The following SLC25A13 variants were observed in gnomAD, a reference collection of about 807,000 sequenced individuals.
SLC25A13 encodes the protein electrogenic aspartate/glutamate antiporter SLC25A13, mitochondrial.
In SLC25A13, 70 loss-of-function variants were observed where a neutral mutation model predicts 85.5. The ratio of observed to expected loss-of-function variants is 0.82; its 90% CI spans 0.68 to 1.00. The LOEUF (loss-of-function observed/expected upper bound fraction) is 1.00. SLC25A13 is among the 50% of genes least tolerant of loss of function. SLC25A13 has a pLI of 0.00. For synonymous variants in SLC25A13, 259 were observed against 288.7 expected (o/e 0.90, Z 1.04); for missense variants, 765 against 819.8 (o/e 0.93, Z 0.82).
intron 3 of SLC25A13, among the ~76,000 whole-genome samples, chr7:96,249,563 C>T (rs1456632012): frequency 2.0e-5 from 3 of 152,094 alleles, no homozygotes; most frequent in Non-Finnish European, 4.4e-5. Context: ...ATTTTCTGTC[C>T]CAATTGATCT....
chr7:96,174,177 AGCTCC>A, intron 11 of SLC25A13, among the ~76,000 whole-genome samples: 1 of 152,218 alleles, frequency 6.6e-6, no homozygotes, highest in Non-Finnish European at 1.5e-5. Context: ...CCTCCAGTGC[AGCTCC>A]TGCTCTTGGA....
intron 15 of SLC25A13, among the ~76,000 whole-genome samples, chr7:96,129,942 G>T (rs1292506724): frequency 1.3e-5 from 2 of 152,146 alleles, no homozygotes; most frequent in Non-Finnish European, 2.9e-5. Context: ...TGAAAAACCT[G>T]AATAGGAAAA....
At chr7:96,269,558 C>T (rs547329876) in intron 3 of SLC25A13, among the ~76,000 whole-genome samples, 44 of 152,276 alleles carry the variant, frequency 2.9e-4, no homozygotes, top group African/African-American at 8.4e-4. Context: ...AGCTTTCTAA[C>T]GTCCCGGAAA....
chr7:96,204,551 A>C (rs1007536143), intron 5 of SLC25A13, among the ~76,000 whole-genome samples: 2 of 152,206 alleles, frequency 1.3e-5, no homozygotes, highest in Non-Finnish European at 2.9e-5. Flanking sequence ...AAACAAAAAA[A>C]AGAAAGAAAA....
At chr7:96,265,884 A>T (rs1194126604) in intron 3 of SLC25A13, among the ~76,000 whole-genome samples, 1 of 152,168 alleles carries the variant, frequency 6.6e-6, no homozygotes, top group Non-Finnish European at 1.5e-5. Context: ...TCCTTCATAG[A>T]TGGTGCCTTC....
At chr7:96,239,016 TTA>T (rs544595573) in intron 3 of SLC25A13, among the ~76,000 whole-genome samples, 1 of 139,480 alleles carries the variant, frequency 7.2e-6, no homozygotes, top group African/African-American at 2.7e-5. Flanking sequence ...ATAATATATA[TTA>T]TATATATGAC....
At chr7:96,191,704 A>G (rs973137642) in intron 6 of SLC25A13, among the ~76,000 whole-genome samples, 1 of 152,232 alleles carries the variant, frequency 6.6e-6, no homozygotes, top group Non-Finnish European at 1.5e-5. Context: ...TGTAACATTA[A>G]TATCAAGACT....
At chr7:96,158,194 T>C (rs192092442) in intron 13 of SLC25A13, among the ~76,000 whole-genome samples, 89 of 152,336 alleles carry the variant, frequency 5.8e-4, no homozygotes, top group Middle Eastern at 3.4e-3. Flanking sequence ...TCCTGAACAT[T>C]TTCTTGAGAC....
chr7:96,311,922 G>A (rs562637641), intron 1 of SLC25A13, among the ~76,000 whole-genome samples: 8 of 152,272 alleles, frequency 5.3e-5, no homozygotes, highest in African/African-American at 1.9e-4. Flanking sequence ...CAAGAAATAT[G>A]AACAGAGGTT....
At position 96,193,196 on chromosome 7, in the gene SLC25A13, A is replaced by T; in HGVS notation, c.469-13T>A. 6.2e-7 allele frequency: 1 copy of T among 1,613,486 alleles called. No individual in the cohort carries two copies. The highest frequency in any genetic ancestry group is 8.5e-7 in the Non-Finnish European group (1 of 1,179,594). The stretch of plus-strand genomic sequence containing the variant: ...CCAGTTGTATTTCCTACAAATAAAG[A>T]AAGTAAAATACTTAATTTATGCTTC... On this transcript the variant is annotated splice_polypyrimidine_tract_variant and intron_variant, in intron 5 of 17. Transcript: ENST00000265631.
At chr7:96,131,279 G>GGT (rs200905256) in intron 15 of SLC25A13, among the ~76,000 whole-genome samples, 2,045 of 152,292 alleles carry the variant, frequency 0.013, 35 homozygotes, top group African/African-American at 0.046. Flanking sequence ...GGAGGAAACA[G>GGT]GTGTCTCTAA....
At chr7:96,134,638 T>C (rs1792185796) in intron 14 of SLC25A13, among the ~76,000 whole-genome samples, 2 of 151,840 alleles carry the variant, frequency 1.3e-5, no homozygotes, top group Admixed American at 1.3e-4. Context: ...AACCTCCTTC[T>C]TCTTCCTTTC....
At chr7:96,208,612 TC>T (rs1366481879) in intron 5 of SLC25A13, among the ~76,000 whole-genome samples, 16 of 151,866 alleles carry the variant, frequency 1.1e-4, no homozygotes, top group Non-Finnish European at 2.9e-5. Context: ...TTCACACCAT[TC>T]TCCTGCCTCA....
chr7:96,163,112 T>C (rs1793579553), intron 13 of SLC25A13, among the ~76,000 whole-genome samples: 1 of 152,192 alleles, frequency 6.6e-6, no homozygotes, highest in Non-Finnish European at 1.5e-5. Context: ...ATTATTCCTA[T>C]TACGATGTAG....
In SLC25A13 at chr7:96,158,398, A is replaced by G. The variant is rs559502426; in HGVS notation, c.1311+11647T>C. On this transcript the variant is annotated intron_variant, in intron 13 of 17. Coordinates refer to ENST00000265631, the MANE Select transcript of SLC25A13 (RefSeq NM_014251.3). ...GCAGTATATTTTTTAATATAGCGCAATTTCAACTATATTTTAAACTAAAAG... is the reference window on the plus strand; with the variant it reads ...GCAGTATATTTTTTAATATAGCGCAGTTTCAACTATATTTTAAACTAAAAG... Among the ~76,000 whole-genome samples the G allele has an allele frequency of 6.6e-5, 10 of 152,362 alleles. No homozygotes were observed. The South Asian group carries it at 2.1e-3, about 32-fold the overall frequency.
chr7:96,141,979 C>G (rs1792583656), intron 14 of SLC25A13, among the ~76,000 whole-genome samples: 1 of 152,146 alleles, frequency 6.6e-6, no homozygotes, highest in Admixed American at 6.5e-5. Context: ...AAACTAGAAA[C>G]ATATTCATCA....
At chr7:96,252,205 A>ACAG (rs1177505774) in intron 3 of SLC25A13, among the ~76,000 whole-genome samples, 6 of 152,142 alleles carry the variant, frequency 3.9e-5, no homozygotes, top group Admixed American at 3.9e-4. Context: ...TGAAGCCTGA[A>ACAG]CAGCAGTTGC....
At chr7:96,121,766 C>CGGGGGGCGGGGCTGCCAAGGG in intron 16 of SLC25A13, 21 bp from the exon 17 acceptor site, 1 of 1,613,898 alleles carries the variant, frequency 6.2e-7, no homozygotes, top group Non-Finnish European at 8.5e-7. Flanking sequence ...ATGGAGAAAT[C>CGGGGGGCGGGGCTGCCAAGGG]ACAGATATAA....
intron 5 of SLC25A13, among the ~76,000 whole-genome samples, chr7:96,206,172 G>C (rs1433923570): frequency 6.6e-6 from 1 of 152,098 alleles, no homozygotes; most frequent in African/African-American, 2.4e-5. Flanking sequence ...CTCATCATGT[G>C]ACAGGTAGCA....
Sources: allele counts gnomAD v4.1 joint callset (sites outside exome capture counted in the v4.1 genomes callset), GRCh38; gene constraint gnomAD v4.1.1; transcripts MANE v1.5; gene names NCBI Gene and HGNC (gene_info 2026-07-23, HGNC 2026-07-21).